The following PPP1R1C variants were observed in gnomAD, a reference collection of about 807,000 sequenced individuals.
The protein encoded by PPP1R1C is protein phosphatase 1 regulatory subunit 1C.
In PPP1R1C, 15 loss-of-function variants were observed where a neutral mutation model predicts 17.4. That is an observed-to-expected ratio of 0.86 (90% CI 0.58 to 1.33). PPP1R1C has a LOEUF of 1.33. Among genes scored for constraint, PPP1R1C ranks in the 40% most tolerant of loss-of-function variants. The pLI, the probability that PPP1R1C is intolerant of heterozygous loss-of-function variation, is 0.00. For missense variants in PPP1R1C, 143 were observed against 130.0 expected (o/e 1.10, Z -0.48); for synonymous variants, 35 against 43.1 (o/e 0.81, Z 0.73).
chr2:182,071,370 A>G (rs1688135098), intron 4 of PPP1R1C, among the ~76,000 whole-genome samples: 1 of 152,178 alleles, frequency 6.6e-6, no homozygotes, highest in Admixed American at 6.5e-5. Flanking sequence ...TCAGGATTAT[A>G]TTGAGGTAGT....
chr2:182,012,562 G>C (rs949767083), intron 2 of PPP1R1C, among the ~76,000 whole-genome samples: 1 of 151,844 alleles, frequency 6.6e-6, no homozygotes, highest in African/African-American at 2.4e-5. Flanking sequence ...AAACCTTTTA[G>C]CCACTCTATG....
upstream of PPP1R1C, among the ~76,000 whole-genome samples, chr2:181,983,636 C>G (rs552557577): frequency 3.3e-5 from 5 of 152,154 alleles, no homozygotes; most frequent in Non-Finnish European, 4.4e-5. Context: ...AATCTCTCCT[C>G]TAGTGCCATA....
chr2:181,990,307 T>G (rs908726277), intron 2 of PPP1R1C, among the ~76,000 whole-genome samples: 4 of 148,532 alleles, frequency 2.7e-5, no homozygotes, highest in Non-Finnish European at 4.4e-5. Flanking sequence ...CCCGGCTAAT[T>G]TTTTTGTATT....
At chr2:182,085,185 T>C (rs1688593816) in intron 4 of PPP1R1C, among the ~76,000 whole-genome samples, 1 of 152,162 alleles carries the variant, frequency 6.6e-6, no homozygotes, top group Non-Finnish European at 1.5e-5. Flanking sequence ...TTTCTAGGTA[T>C]ATAATCATAT....
At chr2:182,030,374 T>G (rs1418797345) in intron 2 of PPP1R1C, among the ~76,000 whole-genome samples, 1 of 152,110 alleles carries the variant, frequency 6.6e-6, no homozygotes, top group African/African-American at 2.4e-5. Context: ...ATGAGGGTGA[T>G]GTACAGATGG....
chr2:182,114,750 G>T (rs894721881), intron 4 of PPP1R1C, among the ~76,000 whole-genome samples: 6 of 152,128 alleles, frequency 3.9e-5, no homozygotes, highest in Non-Finnish European at 8.8e-5. Context: ...AAATAGTAAT[G>T]CCACAATTGT....
intron 2 of PPP1R1C, among the ~76,000 whole-genome samples, chr2:182,044,077 C>T (rs1687269846): frequency 6.6e-6 from 1 of 152,202 alleles, no homozygotes; most frequent in Non-Finnish European, 1.5e-5. Flanking sequence ...TCCATTCTTT[C>T]TCTTAAGCAT....
At chr2:181,968,810 T>C (rs986832640) in intron 1 of PPP1R1C, among the ~76,000 whole-genome samples, 3 of 152,170 alleles carry the variant, frequency 2.0e-5, no homozygotes, top group African/African-American at 7.2e-5. Flanking sequence ...TGATTTTCTC[T>C]GGTTTTAAAT....
chr2:182,038,877 G>A (rs904598581), intron 2 of PPP1R1C, among the ~76,000 whole-genome samples: 1 of 152,156 alleles, frequency 6.6e-6, no homozygotes. Flanking sequence ...CAGGCAGGTA[G>A]ATTTTAGCTT....
chr2:181,958,708 G>A (rs2125129804), intron 1 of PPP1R1C, among the ~76,000 whole-genome samples: 1 of 152,276 alleles, frequency 6.6e-6, no homozygotes, highest in Admixed American at 6.5e-5. Context: ...TGCTTGCTTT[G>A]TAGCCTTATG....
chr2:182,055,699 T>C (rs556372583), intron 2 of PPP1R1C, among the ~76,000 whole-genome samples: 1 of 152,346 alleles, frequency 6.6e-6, no homozygotes, highest in Admixed American at 6.5e-5. Flanking sequence ...GTTGTGCTGC[T>C]TCCTTCTGGC....
At chr2:182,068,624 A>G (rs539086330) in intron 4 of PPP1R1C, among the ~76,000 whole-genome samples, 1 of 152,222 alleles carries the variant, frequency 6.6e-6, no homozygotes, top group South Asian at 2.1e-4. Flanking sequence ...CCCTCATTTC[A>G]CCTAGCTCCG....
At chr2:182,083,473 A>G (rs1368619014) in intron 4 of PPP1R1C, among the ~76,000 whole-genome samples, 1 of 152,112 alleles carries the variant, frequency 6.6e-6, no homozygotes, top group Non-Finnish European at 1.5e-5. Flanking sequence ...ACCCTTGTGG[A>G]CCTATAGCTT....
At chr2:182,109,386 G>A (rs889231138) in intron 4 of PPP1R1C, among the ~76,000 whole-genome samples, 5 of 152,126 alleles carry the variant, frequency 3.3e-5, no homozygotes, top group African/African-American at 9.7e-5. Flanking sequence ...CATGGATTAT[G>A]TCTTTGGTGT....
chr2:182,062,078 C>A (rs555272199), intron 3 of PPP1R1C, among the ~76,000 whole-genome samples: 1 of 152,114 alleles, frequency 6.6e-6, no homozygotes, highest in African/African-American at 2.4e-5. Context: ...ATATATGAAA[C>A]ACAAAGTGAA....
chr2:182,061,360 T>A (rs1687843974), intron 2 of PPP1R1C, 82 bp from the exon 3 acceptor site: 7 of 948,970 alleles, frequency 7.4e-6, no homozygotes, highest in Non-Finnish European at 9.2e-6. Flanking sequence ...ATCATTTTTA[T>A]CCGTGTTGTT....
chr2:182,076,192 C>CTTTTTTTTTTTTTT (rs1688296764), intron 4 of PPP1R1C, among the ~76,000 whole-genome samples: 1 of 25,836 alleles, frequency 3.9e-5, no homozygotes, highest in African/African-American at 1.6e-4. Context: ...TTTTTTTTTT[C>CTTTTTTTTTTTTTT]TTTTCTTTTT....
At chr2:182,117,161 C>A in intron 4 of PPP1R1C, 46 bp from the exon 5 acceptor site, 1 of 1,317,098 alleles carries the variant, frequency 7.6e-7, no homozygotes, top group Non-Finnish European at 1.1e-6. Context: ...GTTAATATTC[C>A]AGAAATGAAA....
chr2:181,972,264 T>C (rs1273329470), intron 1 of PPP1R1C, among the ~76,000 whole-genome samples: 1 of 152,218 alleles, frequency 6.6e-6, no homozygotes, highest in African/African-American at 2.4e-5. Context: ...CTATGAATCA[T>C]TTCTATAAAG....
Sources: allele counts gnomAD v4.1 joint callset (sites outside exome capture counted in the v4.1 genomes callset), GRCh38; gene constraint gnomAD v4.1.1; transcripts MANE v1.5; gene names NCBI Gene and HGNC (gene_info 2026-07-23, HGNC 2026-07-21).